The following PHF8 variants were observed in gnomAD, a reference collection of about 807,000 sequenced individuals.
PHF8 encodes the protein PHD finger protein 8, also known as histone lysine demethylase PHF8.
PHF8 carries 9 observed loss-of-function variants against 74.4 expected under a neutral mutation model. The ratio of observed to expected loss-of-function variants is 0.12; its 90% CI spans 0.07 to 0.21. PHF8 has a LOEUF of 0.21. Ranked by LOEUF, PHF8 falls within the 10% of genes least tolerant of loss-of-function variation. PHF8 has a pLI of 1.00. For missense variants in PHF8, 478 were observed against 816.6 expected (o/e 0.59, Z 5.05); for synonymous variants, 311 against 316.6 (o/e 0.98, Z 0.19).
intron 20 of PHF8, chrX:53,942,856 G>A (rs2064773207): frequency 1.3e-6 from 1 of 746,128 alleles, no homozygotes; most frequent in African/African-American, 2.3e-5. Context: ...TATGAGTATT[G>A]CAGTGCACTA....
At chrX:54,010,112 A>C (rs1175484570) in intron 8 of PHF8, among the ~76,000 whole-genome samples, 2 of 109,332 alleles carry the variant, frequency 1.8e-5, no homozygotes, top group Non-Finnish European at 1.9e-5. Flanking sequence ...TCAAGGTCAG[A>C]AGTTCGAGAC....
At chrX:53,978,581 G>C (rs1464884082) in intron 18 of PHF8, among the ~76,000 whole-genome samples, 3 of 108,064 alleles carry the variant, frequency 2.8e-5, no homozygotes, top group Non-Finnish European at 5.8e-5. Flanking sequence ...GGCGGATCAC[G>C]AGGTCAGGAG....
At chrX:54,024,453 T>C (rs1324515354) in intron 2 of PHF8, among the ~76,000 whole-genome samples, 2 of 111,997 alleles carry the variant, frequency 1.8e-5, no homozygotes, top group Non-Finnish European at 3.8e-5. Context: ...CTCATACCCC[T>C]GTTCCCTCTG....
chrX:53,980,448 A>C (rs1035308007), intron 18 of PHF8, among the ~76,000 whole-genome samples: 27 of 110,844 alleles, frequency 2.4e-4, no homozygotes, highest in African/African-American at 8.6e-4. Context: ...CTGCAAGCCA[A>C]GCAGAGAGAC....
intron 2 of PHF8, among the ~76,000 whole-genome samples, chrX:54,037,013 A>AAAG (rs1378163385): frequency 9.2e-6 from 1 of 108,884 alleles, no homozygotes; most frequent in Non-Finnish European, 1.9e-5. Flanking sequence ...AAAAAAAAAA[A>AAAG]AAAAGAAAAG....
chrX:53,992,711 T>C (rs782357987), intron 14 of PHF8, 25 bp downstream of exon 14: 2 of 921,667 alleles, frequency 2.2e-6, no homozygotes, highest in East Asian at 3.1e-5. Context: ...TCCCAGTACC[T>C]CTGTGCTCCT....
At chrX:53,964,884 A>G (rs1232598066) in intron 18 of PHF8, among the ~76,000 whole-genome samples, 12 of 109,106 alleles carry the variant, frequency 1.1e-4, no homozygotes, top group Admixed American at 2.9e-4. Context: ...AAAAAAAAAA[A>G]AAAAGAAAAG....
chrX:54,026,418 A>G (rs782204537), intron 2 of PHF8, among the ~76,000 whole-genome samples: 5 of 108,067 alleles, frequency 4.6e-5, no homozygotes, highest in Non-Finnish European at 9.6e-5. Context: ...TTCCCCACTC[A>G]ACTCTCTCTC....
chrX:53,942,091 C>A (rs2149769937), intron 20 of PHF8, among the ~76,000 whole-genome samples: 1 of 112,022 alleles, frequency 8.9e-6, no homozygotes, highest in African/African-American at 3.2e-5. Flanking sequence ...CTCCCACAGA[C>A]AACTAGACCA....
chrX:54,007,454 A>G (rs1177725495), intron 8 of PHF8, among the ~76,000 whole-genome samples: 1 of 112,380 alleles, frequency 8.9e-6, no homozygotes, highest in Non-Finnish European at 1.9e-5. Context: ...ACACTATCAA[A>G]AAAGTGACAA....
chrX:53,987,912 C>T lies in PHF8; in HGVS notation c.1763G>A (p.Arg588Gln), dbSNP rs782032908. 5 of 1,206,640 alleles carry T rather than the reference C, an allele frequency of 4.1e-6. No individual in the cohort carries two copies. The Admixed American group carries it at 6.6e-5, about 16-fold the overall frequency. Residue 588 changes from arginine to glutamine, a missense_variant, in exon 15 of 22, where the codon CGG becomes CAG. Around this residue, in one of 9 missense-constraint regions of PHF8, gnomAD observed 153 missense variants for 164.8 expected, o/e 0.93. Transcript: ENST00000338154. Reference sequence around the variant, plus strand: ...TACCTTCTTTGCTATCTTGGTTCGCCGAGATTTGGATAAACTCTTCACCCT... The same window carrying T: ...TACCTTCTTTGCTATCTTGGTTCGCTGAGATTTGGATAAACTCTTCACCCT... ...TKRVKSLSKS[R>Q]RTKIAKKVDK...
At chrX:53,991,567 C>T (rs1436191153) in intron 14 of PHF8, among the ~76,000 whole-genome samples, 1 of 103,771 alleles carries the variant, frequency 9.6e-6, no homozygotes, top group Non-Finnish European at 1.9e-5. Context: ...GAGGCTGAGA[C>T]ACGAGAATCA....
intron 2 of PHF8, among the ~76,000 whole-genome samples, chrX:54,032,081 A>G (rs1366080028): frequency 1.8e-5 from 2 of 111,416 alleles, no homozygotes; most frequent in Non-Finnish European, 3.8e-5. Context: ...CAAAACCTAA[A>G]TCAGATCACA....
chrX:53,987,069 G>A lies in PHF8; in HGVS notation c.1995+9C>T. 1 of 1,127,915 alleles carries A rather than the reference G, an allele frequency of 8.9e-7. No homozygotes were observed. Among genetic ancestry groups the A allele is most frequent in the South Asian group, 1.8e-5 (1 of 55,005 alleles). 93.0% of individuals were successfully genotyped at this position (1,127,915 alleles called of 1,213,427 possible). A position where few individuals can be genotyped will look rare whatever the true frequency, so the allele number is the denominator to read the frequency against. ...TGAGCAGAAGACTAGATCCAGGGCAGAATCCTACCTCAATGTCAAACTCAA... is the reference window on the plus strand; with the variant it reads ...TGAGCAGAAGACTAGATCCAGGGCAAAATCCTACCTCAATGTCAAACTCAA... On this transcript the variant is annotated intron_variant, in intron 16 of 21. Transcript: ENST00000338154.
At chrX:54,034,965 C>T (rs2066427354) in intron 2 of PHF8, among the ~76,000 whole-genome samples, 1 of 110,480 alleles carries the variant, frequency 9.1e-6, no homozygotes, top group South Asian at 3.8e-4. Flanking sequence ...GTGACTGTTC[C>T]ACTACACTCC....
At chrX:53,998,760 A>AT (rs1557103576) in intron 11 of PHF8, among the ~76,000 whole-genome samples, 1 of 111,363 alleles carries the variant, frequency 9.0e-6, no homozygotes, top group Non-Finnish European at 1.9e-5. Flanking sequence ...ATTTTTTTTT[A>AT]TAGTTGATTA....
At chrX:54,036,056 A>C (rs1557114033) in intron 2 of PHF8, among the ~76,000 whole-genome samples, 2 of 104,715 alleles carry the variant, frequency 1.9e-5, no homozygotes, top group African/African-American at 7.0e-5. Flanking sequence ...GGTTGCGGTG[A>C]GCCAAATCGC....
intron 2 of PHF8, among the ~76,000 whole-genome samples, chrX:54,027,480 T>C (rs782160552): frequency 9.0e-6 from 1 of 111,715 alleles, no homozygotes; most frequent in East Asian, 2.8e-4. Flanking sequence ...GCCAAATCGA[T>C]ACTTTTTTAG....
At chrX:54,011,331 G>A in intron 7 of PHF8, 47 bp from the exon 8 acceptor site, 1 of 1,081,310 alleles carries the variant, frequency 9.2e-7, no homozygotes, top group Non-Finnish European at 1.3e-6. Flanking sequence ...AGGGTTTCCA[G>A]AAAAGTCCTT....
Sources: gnomAD v4.1 joint callset for allele counts (sites outside exome capture counted in the v4.1 genomes callset) on GRCh38, gnomAD v4.1.1 for gene constraint, gnomAD v4.1.1 regional missense constraint, MANE v1.5 for transcripts, NCBI Gene and HGNC (gene_info 2026-07-23, HGNC 2026-07-21) for gene names.